The following ZC3H12C variants were observed in gnomAD, a reference collection of about 807,000 sequenced individuals.
ZC3H12C encodes the protein zinc finger CCCH-type containing 12C, also known as probable ribonuclease ZC3H12C.
A neutral mutation model predicts 76.3 loss-of-function variants in ZC3H12C; 20 were observed. The ratio of observed to expected loss-of-function variants is 0.26; its 90% CI spans 0.18 to 0.38. ZC3H12C has a LOEUF of 0.38. Among genes scored for constraint, ZC3H12C ranks in the 10% least tolerant of loss-of-function variants. ZC3H12C has a pLI of 1.00. For missense variants in ZC3H12C, 874 were observed against 1,086.5 expected (o/e 0.80, Z 2.75); for synonymous variants, 352 against 399.6 (o/e 0.88, Z 1.42).
Position 110,136,996 on chromosome 11 carries a change from C to G in ZC3H12C, c.355C>G (p.Gln119Glu), listed in dbSNP as rs775161683. ...AGGCTTGATAACTAAGACTCACAGA[C>G]AGCTCTGCAGGTCTCCCTGTTTAGA... ...EPGLITKTHRQLCRSPCLEPH... is the reference protein window; with the variant it reads ...EPGLITKTHRELCRSPCLEPH... Residue 119 changes from glutamine (Q) to glutamate (E), a missense_variant, in exon 2 of 6, where the codon CAG becomes GAG. Gln to Glu is a conservative substitution (Grantham distance 29). Transcript: ENST00000278590. The G allele has an allele frequency of 1.2e-6, 2 of 1,613,686 alleles. No individual in the cohort carries two copies. Among genetic ancestry groups the G allele is most frequent in the African/African-American group, 2.7e-5 (2 of 74,940 alleles).
In ZC3H12C at chr11:110,168,313, C is replaced by T. The variant is rs1331513606; in HGVS notation, c.*2576C>T. The T allele has an allele frequency of 2.6e-5, 4 of 152,148 alleles. No homozygotes were observed. The highest frequency in any genetic ancestry group is 5.9e-5 in the Non-Finnish European group (4 of 68,014). The allele number at this position is 152,148 out of a possible 1,614,324, so 9.4% of individuals were successfully genotyped here. A position where few individuals can be genotyped will look rare whatever the true frequency, so the allele number is the denominator to read the frequency against. On this transcript the variant is annotated 3_prime_UTR_variant, in exon 6 of 6. Transcript: ENST00000278590. ...TAGCAGTTTTCTTATGTGAAGAGGA[C>T]AGTTTGTCCCCTTTTTTTGAAGCAC... is the stretch of plus-strand genomic sequence containing the variant.
chr11:110,106,848 T>C (rs1386945074), intron 1 of ZC3H12C, among the ~76,000 whole-genome samples: 1 of 152,236 alleles, frequency 6.6e-6, no homozygotes, highest in East Asian at 1.9e-4. Context: ...TTTCAGGTTC[T>C]ATAATAATGA....
At chr11:110,152,795 C>A in intron 2 of ZC3H12C, 124 bp from the exon 3 acceptor site, 1 of 1,102,152 alleles carries the variant, frequency 9.1e-7, no homozygotes, top group South Asian at 1.5e-5. Flanking sequence ...CTATAAACTC[C>A]ATTTTAACTC....
chr11:110,132,687 T>C (rs959112367), intron 1 of ZC3H12C, among the ~76,000 whole-genome samples: 1 of 151,988 alleles, frequency 6.6e-6, no homozygotes, highest in Non-Finnish European at 1.5e-5. Context: ...TTTCTTGGAG[T>C]TTTTTGATAA....
Position 110,165,934 on chromosome 11 carries a change from A to T in ZC3H12C, c.*197A>T. 7.0e-6 allele frequency: 4 copies of T among 572,048 alleles called. No homozygotes were observed. Among genetic ancestry groups the T allele is most frequent in the South Asian group, 3.1e-5 (1 of 32,412 alleles). The allele number at this position is 572,048 out of a possible 1,614,324, so 35.4% of individuals were successfully genotyped here. On this transcript the variant is annotated 3_prime_UTR_variant, in exon 6 of 6. Transcript: ENST00000278590. ...TATCACGGGATTGCTTTACATTTAA[A>T]CTTTTTTTTTTTAACATTTCCTTTT...
rs376845158 is a variant in ZC3H12C at position 110,136,992 on chromosome 11, C to T, written c.351C>T (p.His117=). The T allele has an allele frequency of 5.0e-6, 8 of 1,613,692 alleles. No homozygotes were observed. The African/African-American group carries it at 1.1e-4, about 22-fold the overall frequency. ...AGCCAGGCTTGATAACTAAGACTCA[C>T]AGACAGCTCTGCAGGTCTCCCTGTT... ...SVEPGLITKT[H]RQLCRSPCLE... Residue 117 remains histidine, a synonymous_variant, in exon 2 of 6, where the codon CAC becomes CAT. Transcript: ENST00000278590.
rs1337288494 is a variant in ZC3H12C, at chr11:110,168,479, A to C, written c.*2742A>C. The C allele has an allele frequency of 6.6e-6, 1 of 152,174 alleles. No homozygotes were observed. Among genetic ancestry groups the C allele is most frequent in the African/African-American group, 2.4e-5 (1 of 41,462 alleles). The allele number at this position is 152,174 out of a possible 1,614,324, so 9.4% of individuals were successfully genotyped here. On this transcript the variant is annotated 3_prime_UTR_variant, in exon 6 of 6. Coordinates refer to ENST00000278590, the MANE Select transcript of ZC3H12C (RefSeq NM_033390.2). The stretch of plus-strand genomic sequence containing the variant: ...TGATCACAAGCCTTCATTTTAGCCA[A>C]AACTTTCTCTCTAACCAAATCTTTT...
intron 3 of ZC3H12C, among the ~76,000 whole-genome samples, chr11:110,153,348 C>G (rs1160065444): frequency 6.6e-6 from 1 of 152,030 alleles, no homozygotes; most frequent in Admixed American, 6.6e-5. Flanking sequence ...CCACCACACG[C>G]AGCTTATTTT....
intron 1 of ZC3H12C, among the ~76,000 whole-genome samples, chr11:110,113,247 T>G (rs1442909015): frequency 1.3e-5 from 2 of 152,210 alleles, no homozygotes; most frequent in Non-Finnish European, 2.9e-5. Context: ...TCATCTTTTT[T>G]TTCTACAACC....
At position 110,169,339 on chromosome 11, in the gene ZC3H12C, G is replaced by GGGGTGTGTGT. The variant is rs1862634101; in HGVS notation, c.*3603_*3604insGGTGTGTGTG. On this transcript the variant is annotated 3_prime_UTR_variant, in exon 6 of 6. Transcript: ENST00000278590. The stretch of plus-strand genomic sequence containing the variant: ...TGTGACAGGTGGGAGGATGGCTCTG[G>GGGGTGTGTGT]GTGTGTGTGTGTGTGTGTGTGTGTG... 6.8e-6 allele frequency: 1 copy of GGGGTGTGTGT among 146,266 alleles called. No homozygotes were observed. Among genetic ancestry groups the GGGGTGTGTGT allele is most frequent in the African/African-American group, 2.5e-5 (1 of 39,436 alleles). 9.1% of individuals were successfully genotyped at this position (146,266 alleles called of 1,614,324 possible). A position where few individuals can be genotyped will look rare whatever the true frequency, so the allele number is the denominator to read the frequency against.
At chr11:110,161,950 G>A (rs1364739549) in intron 4 of ZC3H12C, among the ~76,000 whole-genome samples, 1 of 152,186 alleles carries the variant, frequency 6.6e-6, no homozygotes, top group Non-Finnish European at 1.5e-5. Flanking sequence ...GGCCAACATG[G>A]CGAAACCCCG....
intron 1 of ZC3H12C, among the ~76,000 whole-genome samples, chr11:110,100,454 CTTTT>C (rs1378661137): frequency 6.6e-6 from 1 of 152,026 alleles, no homozygotes; most frequent in East Asian, 1.9e-4. Flanking sequence ...CTTTTTGGTT[CTTTT>C]TTTGTTTTGT....
Position 110,165,853 on chromosome 11 carries a change from A to AAGGAG in ZC3H12C, c.*116_*117insAGGAG. ...TCAGCAAGGAGGTTATATAGTATCC[A>AAGGAG]TTTATGTGAAATACTGTATCATGGA... On this transcript the variant is annotated 3_prime_UTR_variant, in exon 6 of 6. Coordinates refer to ENST00000278590, the MANE Select transcript of ZC3H12C (RefSeq NM_033390.2). 1 of 962,970 alleles carries AAGGAG rather than the reference A, an allele frequency of 1.0e-6. No individual in the cohort carries two copies. Among genetic ancestry groups the AAGGAG allele is most frequent in the Non-Finnish European group, 1.5e-6 (1 of 663,522 alleles). The allele number at this position is 962,970 out of a possible 1,614,324, so 59.7% of individuals were successfully genotyped here. A position where few individuals can be genotyped will look rare whatever the true frequency, so the allele number is the denominator to read the frequency against.
intron 1 of ZC3H12C, among the ~76,000 whole-genome samples, chr11:110,116,846 C>T (rs1861535948): frequency 6.6e-6 from 1 of 152,092 alleles, no homozygotes; most frequent in African/African-American, 2.4e-5. Flanking sequence ...GTGCAGGTTG[C>T]TTGGTTAGTT....
intron 3 of ZC3H12C, among the ~76,000 whole-genome samples, chr11:110,157,312 A>G (rs3017769): frequency 0.69 from 104,700 of 152,060 alleles, 36,856 homozygotes; most frequent in South Asian, 0.79. Context: ...TGTACTTCTC[A>G]TAGTCTATCA....
chr11:110,112,671 C>A (rs1861454536), intron 1 of ZC3H12C, among the ~76,000 whole-genome samples: 1 of 152,136 alleles, frequency 6.6e-6, no homozygotes, highest in South Asian at 2.1e-4. Flanking sequence ...CAGTTGCCTG[C>A]CAGAGGCCCT....
At chr11:110,155,041 A>G (rs1862350112) in intron 3 of ZC3H12C, among the ~76,000 whole-genome samples, 2 of 152,150 alleles carry the variant, frequency 1.3e-5, no homozygotes, top group Admixed American at 1.3e-4. Context: ...TAATCCCAGC[A>G]CTTTGGGAGA....
At chr11:110,152,889 T>C (rs1862300763) in intron 2 of ZC3H12C, 30 bp from the exon 3 acceptor site, 1 of 1,599,842 alleles carries the variant, frequency 6.3e-7, no homozygotes, top group African/African-American at 1.3e-5. Context: ...GGTTTTGTTG[T>C]GTTTTAAGTG....
rs1861577508 is a variant in ZC3H12C at position 110,117,961 on chromosome 11, ATATACACACACATATATAT to A, written c.22-18697_22-18679del. Among the ~76,000 whole-genome samples, 11 of 128,252 alleles carry A rather than the reference ATATACACACACATATATAT, an allele frequency of 8.6e-5. 5 individuals carry two copies. The highest frequency in any genetic ancestry group is 3.1e-5 in the Non-Finnish European group (2 of 63,704). The allele number at this position is 128,252 out of a possible 152,430, so 84.1% of individuals were successfully genotyped here. ...ATATATATTATATATACACACACAT[ATATACACACACATATATAT>A]TATATATATACACACATATATATTA... On this transcript the variant is annotated intron_variant, in intron 1 of 5. Transcript: ENST00000278590.
Sources: allele counts gnomAD v4.1 joint callset (sites outside exome capture counted in the v4.1 genomes callset), GRCh38; gene constraint gnomAD v4.1.1; transcripts MANE v1.5; gene names NCBI Gene and HGNC (gene_info 2026-07-23, HGNC 2026-07-21).